The following MAPK9 variants were observed in gnomAD, a reference collection of about 807,000 sequenced individuals.
MAPK9 encodes the protein mitogen-activated protein kinase 9.
Under a neutral mutation model 57.1 loss-of-function variants are expected in MAPK9, and 30 were observed. That is an observed-to-expected ratio of 0.53 (90% confidence interval 0.39 to 0.71). The LOEUF is 0.71. Ranked by LOEUF, MAPK9 falls within the 30% of genes least tolerant of loss-of-function variation. MAPK9 has a pLI of 0.00. For missense variants in MAPK9, 362 were observed against 521.0 expected, an observed-to-expected ratio of 0.69 and a Z score of 2.97; for synonymous variants, 155 against 177.0, an observed-to-expected ratio of 0.88 and a Z score of 0.99.
chr5:180,253,949 T>C (rs1758984462), intron 5 of MAPK9, among the ~76,000 whole-genome samples: 1 of 150,388 alleles, frequency 6.6e-6, no homozygotes, highest in South Asian at 2.1e-4. Flanking sequence ...AGTCAGCCTT[T>C]AATGCTTCAA....
At chr5:180,274,660 GC>G (rs1208829864) in intron 2 of MAPK9, among the ~76,000 whole-genome samples, 1 of 152,210 alleles carries the variant, frequency 6.6e-6, no homozygotes, top group Non-Finnish European at 1.5e-5. Context: ...GCTGAGCCCA[GC>G]CCAGTCGAAA....
intron 2 of MAPK9, among the ~76,000 whole-genome samples, chr5:180,273,945 A>G (rs567578453): frequency 1.3e-5 from 2 of 151,966 alleles, no homozygotes; most frequent in East Asian, 3.9e-4. Flanking sequence ...TAGGGTTTTT[A>G]TTTTTACATA....
In MAPK9 at chr5:180,255,020, C is replaced by A. The variant is rs535814104; in HGVS notation, c.451-5882G>T. Among the ~76,000 whole-genome samples, 16 of 152,110 alleles carry A rather than the reference C, an allele frequency of 1.1e-4. No homozygotes were observed. In the South Asian group the frequency reaches 2.3e-3, roughly 22 times the overall value. ...CTGCACTCCAGCCTGGGCGACAGAG[C>A]GAGACTCCATCTAAAAAAACATCAG... On this transcript the variant is annotated intron_variant, in intron 5 of 11. Coordinates refer to ENST00000452135, the MANE Select transcript of MAPK9 (RefSeq NM_002752.5).
intron 3 of MAPK9, among the ~76,000 whole-genome samples, chr5:180,265,220 T>C (rs1760403456): frequency 6.6e-6 from 1 of 152,214 alleles, no homozygotes; most frequent in Non-Finnish European, 1.5e-5. Flanking sequence ...AGCTCTTGTT[T>C]TTGGTGTGAT....
intron 2 of MAPK9, among the ~76,000 whole-genome samples, chr5:180,279,156 C>T (rs550263165): frequency 2.0e-5 from 3 of 152,222 alleles, no homozygotes; most frequent in East Asian, 1.9e-4. Flanking sequence ...CGGGGTTTCA[C>T]CATGTTGGCC....
chr5:180,248,942 C>T (rs545716939), intron 6 of MAPK9, 31 bp downstream of exon 6: 14 of 1,570,246 alleles, frequency 8.9e-6, no homozygotes, highest in Admixed American at 1.9e-5. Context: ...TTCTAAACAT[C>T]CCAGCCTCTT....
intron 1 of MAPK9, among the ~76,000 whole-genome samples, chr5:180,291,626 G>GGGCCA (rs922896283): frequency 3.9e-5 from 6 of 151,910 alleles, no homozygotes; most frequent in African/African-American, 9.7e-5. Context: ...CAGGTCGGCC[G>GGGCCA]GGCCAGGCCG....
At chr5:180,267,417 C>T (rs1007305176) in intron 3 of MAPK9, among the ~76,000 whole-genome samples, 1 of 151,654 alleles carries the variant, frequency 6.6e-6, no homozygotes, top group South Asian at 2.1e-4. Flanking sequence ...AAAAAATTAG[C>T]TGGGTGTGGT....
chr5:180,288,478 C>T (rs191206960), intron 1 of MAPK9, among the ~76,000 whole-genome samples: 6 of 152,288 alleles, frequency 3.9e-5, no homozygotes, highest in African/African-American at 1.4e-4. Flanking sequence ...GCAATTATTA[C>T]TTTTTCAACT....
chr5:180,261,047 C>T (rs1473424036), intron 5 of MAPK9, among the ~76,000 whole-genome samples: 1 of 151,988 alleles, frequency 6.6e-6, no homozygotes, highest in Non-Finnish European at 1.5e-5. Context: ...ATTATATTAT[C>T]GCTCCCTAGC....
intron 10 of MAPK9, among the ~76,000 whole-genome samples, chr5:180,239,496 GTA>G (rs1377476682): frequency 6.6e-6 from 1 of 152,134 alleles, no homozygotes; most frequent in East Asian, 1.9e-4. Flanking sequence ...TTCATTACAG[GTA>G]TAGTTTGTTG....
At position 180,250,569 on chromosome 5, in the gene MAPK9, G is replaced by A. The variant is rs554307760; in HGVS notation, c.451-1431C>T. On this transcript the variant is annotated intron_variant, in intron 5 of 11. Transcript: ENST00000452135. Reference sequence around the variant, plus strand: ...ACCCCAACTGATGGGCCACAAGGGGGGTTGCAGGCGGCATGCCTCAGTGAA... The same window carrying A: ...ACCCCAACTGATGGGCCACAAGGGGAGTTGCAGGCGGCATGCCTCAGTGAA... Among the ~76,000 whole-genome samples the A allele has an allele frequency of 1.2e-4, 19 of 152,280 alleles. No individual in the cohort carries two copies. In the South Asian group the frequency reaches 3.9e-3, roughly 32 times the overall value.
At chr5:180,277,713 G>A (rs781306343) in intron 2 of MAPK9, among the ~76,000 whole-genome samples, 27 of 152,126 alleles carry the variant, frequency 1.8e-4, no homozygotes, top group Admixed American at 3.3e-4. Context: ...ATTTTAATAC[G>A]AAATATGATA....
At chr5:180,272,950 G>A (rs1021764428) in intron 2 of MAPK9, among the ~76,000 whole-genome samples, 1 of 151,976 alleles carries the variant, frequency 6.6e-6, no homozygotes, top group African/African-American at 2.4e-5. Flanking sequence ...AGCAGTGCAC[G>A]AGGGGTCACA....
At chr5:180,238,086 A>G (rs1356199819) in intron 11 of MAPK9, 1 of 287,234 alleles carries the variant, frequency 3.5e-6, no homozygotes, top group Non-Finnish European at 6.7e-6. Flanking sequence ...CTTGGCCAAT[A>G]TGGTGAAACC....
intron 5 of MAPK9, among the ~76,000 whole-genome samples, chr5:180,258,827 C>G (rs1759586367): frequency 6.8e-6 from 1 of 146,384 alleles, no homozygotes; most frequent in Non-Finnish European, 1.5e-5. Context: ...CAGTTCGAGA[C>G]CAGCCTGGCC....
At chr5:180,275,828 T>C (rs1395431619) in intron 2 of MAPK9, among the ~76,000 whole-genome samples, 1 of 152,240 alleles carries the variant, frequency 6.6e-6, no homozygotes, top group Non-Finnish European at 1.5e-5. Context: ...TTCTCTTCCT[T>C]ACGCACATAC....
rs531706687 is a variant in MAPK9 at position 180,259,779 on chromosome 5, A to G, written c.450+1905T>C. Among the ~76,000 whole-genome samples, 3 of 152,360 alleles carry G rather than the reference A, an allele frequency of 2.0e-5. No homozygotes were observed. The South Asian group carries it at 6.2e-4, about 32-fold the overall frequency. ...AAGTCTTCAGATATTCCAGTTCTCT[A>G]TGTAAACATGAAAGAACTCAAACTG... On this transcript the variant is annotated intron_variant, in intron 5 of 11. Transcript: ENST00000452135.
At chr5:180,260,857 T>C (rs541856974) in intron 5 of MAPK9, among the ~76,000 whole-genome samples, 2 of 152,350 alleles carry the variant, frequency 1.3e-5, no homozygotes, top group Non-Finnish European at 2.9e-5. Context: ...AATTCCATCT[T>C]TCTTTTTTAT....
Sources: gnomAD v4.1 joint callset for allele counts (sites outside exome capture counted in the v4.1 genomes callset) on GRCh38, gnomAD v4.1.1 for gene constraint, MANE v1.5 for transcripts, NCBI Gene and HGNC (gene_info 2026-07-23, HGNC 2026-07-21) for gene names.